The following VIPAS39 variants were observed in gnomAD, a reference collection of about 807,000 sequenced individuals.
VIPAS39 encodes VPS33B interacting protein, apical-basolateral polarity regulator, spe-39 homolog, also known as spermatogenesis-defective protein 39 homolog.
VIPAS39 carries 63 observed loss-of-function variants against 84.7 expected under a neutral mutation model. That is an observed-to-expected ratio of 0.74 (90% CI 0.61 to 0.92). The LOEUF (loss-of-function observed/expected upper bound fraction) is 0.92, where lower values mean the gene tolerates loss of function less well. Ranked by LOEUF, VIPAS39 falls within the 40% of genes least tolerant of loss-of-function variation. VIPAS39 has a pLI of 0.00. For synonymous variants in VIPAS39, 192 were observed against 216.5 expected (o/e 0.89, Z 0.99); for missense variants, 499 against 604.5 (o/e 0.83, Z 1.83).
chr14:77,431,364 A>G (rs983148859), intron 16 of VIPAS39, among the ~76,000 whole-genome samples: 1 of 152,256 alleles, frequency 6.6e-6, no homozygotes, highest in Non-Finnish European at 1.5e-5. Flanking sequence ...AATGGGCAAA[A>G]GACTTGAATG....
At chr14:77,437,203 G>A (rs1272921945) in intron 12 of VIPAS39, among the ~76,000 whole-genome samples, 1 of 152,168 alleles carries the variant, frequency 6.6e-6, no homozygotes, top group Non-Finnish European at 1.5e-5. Context: ...CACCTGTCTT[G>A]AAAGATACAG....
chr14:77,449,884 T>A (rs1248614167), intron 4 of VIPAS39, 132 bp from the exon 5 acceptor site: 1 of 1,103,578 alleles, frequency 9.1e-7, no homozygotes, highest in African/African-American at 1.6e-5. Flanking sequence ...AAGGTTTTAT[T>A]CATCTGTAGA....
chr14:77,435,894 C>T lies in VIPAS39; in HGVS notation c.862G>A (p.Ala288Thr), dbSNP rs201751103. 7 of 1,613,956 alleles carry T rather than the reference C, an allele frequency of 4.3e-6. No homozygotes were observed. Among genetic ancestry groups the T allele is most frequent in the South Asian group, 2.2e-5 (2 of 91,082 alleles). Residue 288 changes from alanine to threonine, a missense_variant, in exon 13 of 20, where the codon GCA (alanine) becomes ACA (threonine). By Grantham distance (58) the Ala-to-Thr change is moderately conservative. Coordinates refer to ENST00000557658, the MANE Select transcript of VIPAS39 (RefSeq NM_001193315.2). Reference protein sequence around the residue: ...VGLPFSAEDSAHIQDHYTLLE... With the variant: ...VGLPFSAEDSTHIQDHYTLLE... ...AGCGTGTAATGGTCCTGTATGTGTG[C>T]GGAATCTTCTGCTGAAAATGGCAAA...
At chr14:77,443,225 G>T in intron 8 of VIPAS39, 73 bp from the exon 9 acceptor site, 1 of 1,566,086 alleles carries the variant, frequency 6.4e-7, no homozygotes, top group South Asian at 1.1e-5. Context: ...ACAGACACGG[G>T]GCCAGCAACT....
At chr14:77,454,671 T>C (rs1214183261) in intron 1 of VIPAS39, among the ~76,000 whole-genome samples, 18 of 41,562 alleles carry the variant, frequency 4.3e-4, no homozygotes, top group African/African-American at 1.2e-3. Flanking sequence ...CGAAACTCCG[T>C]CTCCAAAAAA....
At chr14:77,434,377 C>G in intron 14 of VIPAS39, 74 bp from the exon 15 acceptor site, 1 of 1,388,074 alleles carries the variant, frequency 7.2e-7, no homozygotes, top group African/African-American at 1.4e-5. Flanking sequence ...CATTTTCTTT[C>G]CCACTACAGA....
At chr14:77,446,897 G>A (rs1384115459) in intron 7 of VIPAS39, among the ~76,000 whole-genome samples, 8 of 151,602 alleles carry the variant, frequency 5.3e-5, no homozygotes, top group Non-Finnish European at 1.0e-4. Flanking sequence ...TTGCAGCCTC[G>A]ACCTTCAGGG....
At chr14:77,449,565 G>T in intron 5 of VIPAS39, 149 bp downstream of exon 5, 4 of 1,270,962 alleles carry the variant, frequency 3.1e-6, no homozygotes, top group Admixed American at 1.7e-5. Flanking sequence ...TACCTCCTTA[G>T]TCAGTATCAG....
intron 10 of VIPAS39, 40 bp downstream of exon 10, chr14:77,442,520 G>T: frequency 1.3e-6 from 2 of 1,538,786 alleles, no homozygotes; most frequent in Admixed American, 1.7e-5. Context: ...TTTGAAACAA[G>T]TACTTACTAA....
chr14:77,434,212 T>C, intron 15 of VIPAS39, 50 bp downstream of exon 15: 1 of 1,556,170 alleles, frequency 6.4e-7, no homozygotes, highest in Non-Finnish European at 8.9e-7. Context: ...ATCCACTCCA[T>C]GTAGTTACCC....
In VIPAS39 at chr14:77,449,343, G is replaced by C. The variant is rs1447129886; in HGVS notation, c.397C>G (p.Pro133Ala). 1 of 1,614,192 alleles carries C rather than the reference G, an allele frequency of 6.2e-7. No individual in the cohort carries two copies. The highest frequency in any genetic ancestry group is 1.7e-5 in the Admixed American group (1 of 60,018). Residue 133 changes from proline to alanine, a missense_variant, in exon 6 of 20, where the codon CCT becomes GCT. By Grantham distance (27) the Pro-to-Ala change is conservative (BLOSUM62 -1). Transcript: ENST00000557658. ...AGCTCTGGAGCATAGCTTTTGGCAG[G>C]TGTGTCTGACAGAGCTGAAAAAGAA... ...QSLSDALSDT[P>A]AKSYAPELGR...
rs1178563744 is a variant in VIPAS39, at chr14:77,428,007, A to C, written c.1461+363T>G. 3.3e-5 allele frequency among the ~76,000 whole-genome samples: 5 copies of C among 152,132 alleles called. No homozygotes were observed. The East Asian group carries it at 7.7e-4, about 24-fold the overall frequency. ...CTAACATCTATTTCACCCACTTCTT[A>C]TTTTCAACTGGTAGGTCCCATCCAT... is the stretch of plus-strand genomic sequence containing the variant. On this transcript the variant is annotated intron_variant, in intron 19 of 19. Transcript: ENST00000557658.
At chr14:77,450,119 C>T (rs1270078994) in intron 4 of VIPAS39, among the ~76,000 whole-genome samples, 1 of 152,192 alleles carries the variant, frequency 6.6e-6, no homozygotes. Flanking sequence ...ACCCTTTAAA[C>T]AATAACTCTC....
intron 2 of VIPAS39, 82 bp downstream of exon 2, chr14:77,453,928 A>C: frequency 1.5e-6 from 2 of 1,354,254 alleles, no homozygotes; most frequent in South Asian, 1.2e-5. Flanking sequence ...CATGGTCAAA[A>C]GCCTAGTTAC....
In VIPAS39 at chr14:77,427,540, C is replaced by A; in HGVS notation, c.*76G>T. ...CCAAGCGATGTGATGCCGCAGCTCT[C>A]CCAAAGAAGAGCTCTCTCTGCTTTC... On this transcript the variant is annotated 3_prime_UTR_variant, in exon 20 of 20. Coordinates refer to ENST00000557658, the MANE Select transcript of VIPAS39 (RefSeq NM_001193315.2). 1 of 1,581,606 alleles carries A rather than the reference C, an allele frequency of 6.3e-7. No individual in the cohort carries two copies. Among genetic ancestry groups the A allele is most frequent in the South Asian group, 1.1e-5 (1 of 90,404 alleles).
chr14:77,431,240 G>A (rs1473529526), intron 16 of VIPAS39, among the ~76,000 whole-genome samples: 1 of 152,150 alleles, frequency 6.6e-6, no homozygotes, highest in Non-Finnish European at 1.5e-5. Context: ...AAAATGAAAG[G>A]CAGCCTATGG....
At chr14:77,452,330 T>C (rs767580821) in intron 3 of VIPAS39, among the ~76,000 whole-genome samples, 2 of 152,190 alleles carry the variant, frequency 1.3e-5, no homozygotes, top group Non-Finnish European at 2.9e-5. Context: ...AAGCAACGAT[T>C]GTTTTTTGGG....
chr14:77,432,694 C>T (rs1254118045), intron 16 of VIPAS39, among the ~76,000 whole-genome samples: 1 of 152,052 alleles, frequency 6.6e-6, no homozygotes, highest in Admixed American at 6.6e-5. Context: ...CATGATCTCA[C>T]TCATGTAGGA....
intron 10 of VIPAS39, 71 bp from the exon 11 acceptor site, chr14:77,441,164 A>G: frequency 6.4e-7 from 1 of 1,566,406 alleles, no homozygotes; most frequent in East Asian, 2.3e-5. Context: ...CACAAAATCG[A>G]GTGCCTCCTC....
Sources: gnomAD v4.1 joint callset for allele counts (sites outside exome capture counted in the v4.1 genomes callset) on GRCh38, gnomAD v4.1.1 for gene constraint, MANE v1.5 for transcripts, NCBI Gene and HGNC (gene_info 2026-07-23, HGNC 2026-07-21) for gene names.